Variants in ALG9 observed in about 807,000 individuals in gnomAD.
ALG9 encodes alpha-1,2-mannosyltransferase ALG9.
A neutral mutation model predicts 81.8 loss-of-function variants in ALG9; 55 were observed. The observed-to-expected ratio is 0.67, with a 90% CI of 0.54 to 0.84. ALG9 has a LOEUF of 0.84. ALG9 is among the 40% of genes least tolerant of loss of function. The pLI, the probability that ALG9 is intolerant of heterozygous loss-of-function variation, is 0.00. For synonymous variants in ALG9, 278 were observed against 274.3 expected, an observed-to-expected ratio of 1.01 and a Z score of -0.13; for missense variants, 629 against 745.0, an observed-to-expected ratio of 0.84 and a Z score of 1.81.
In ALG9 at chr11:111,860,557, G is replaced by A; in HGVS notation, c.555C>T (p.Cys185=). 6.2e-7 allele frequency: 1 copy of A among 1,614,014 alleles called. No homozygotes were observed. Among genetic ancestry groups the A allele is most frequent in the South Asian group, 1.1e-5 (1 of 91,082 alleles). ...TGCCCTTTTACTTACCTGATGATGA[G>A]CAAAACATGCCAGTGCTGAGAACCA... The part of the protein sequence containing the change: ...AFLVLSTGMF[C]SSSAFLPSSF... The change falls in exon 5 of 15, where the codon TGC becomes TGT. Residue 185 remains cysteine, a synonymous_variant. Transcript: ENST00000616540.
At chr11:111,795,495 ACC>A (rs1948128629) in intron 14 of ALG9, among the ~76,000 whole-genome samples, 1 of 152,114 alleles carries the variant, frequency 6.6e-6, no homozygotes. Flanking sequence ...ATGGCAATAT[ACC>A]CCGCAGGTGG....
chr11:111,810,577 G>A lies in ALG9; in HGVS notation c.1603-804C>T, dbSNP rs141457075. 4.7e-3 allele frequency among the ~76,000 whole-genome samples: 719 copies of A among 152,114 alleles called. 6 individuals carry two copies. Among genetic ancestry groups the A allele is most frequent in the African/African-American group, 0.017 (688 of 41,464 alleles). On this transcript the variant is annotated intron_variant, in intron 13 of 14. Transcript: ENST00000616540. ...TCAAGACTAGCCTGAGCAATATGGCGAAACCCCATCTCTTTAAAAAATACA... is the reference window on the plus strand; with the variant it reads ...TCAAGACTAGCCTGAGCAATATGGCAAAACCCCATCTCTTTAAAAAATACA...
At chr11:111,804,789 CA>C (rs1187838037) in intron 14 of ALG9, among the ~76,000 whole-genome samples, 4 of 152,198 alleles carry the variant, frequency 2.6e-5, no homozygotes, top group East Asian at 1.9e-4. Context: ...GGCCAAAATT[CA>C]AAACACTGAT....
At chr11:111,800,374 G>A (rs1555079444) in intron 14 of ALG9, among the ~76,000 whole-genome samples, 1 of 151,936 alleles carries the variant, frequency 6.6e-6, no homozygotes. Context: ...CCAGCTACTC[G>A]GGAGGCTGAG....
chr11:111,859,338 T>C (rs1383153235), intron 5 of ALG9, among the ~76,000 whole-genome samples: 1 of 151,650 alleles, frequency 6.6e-6, no homozygotes, highest in Non-Finnish European at 1.5e-5. Context: ...CCCATCTCTA[T>C]TAAAAATAAA....
intron 10 of ALG9, among the ~76,000 whole-genome samples, chr11:111,840,280 A>G (rs1956021745): frequency 6.6e-6 from 1 of 152,228 alleles, no homozygotes; most frequent in Non-Finnish European, 1.5e-5. Context: ...AACCAGGATT[A>G]CAAAGTGCCC....
intron 11 of ALG9, 140 bp from the exon 12 acceptor site, chr11:111,837,755 C>T: frequency 1.0e-6 from 1 of 962,938 alleles, no homozygotes; most frequent in Non-Finnish European, 1.6e-6. Context: ...CAGCATGAAG[C>T]CTGCTCTGCA....
chr11:111,814,511 A>G (rs1951195880), intron 13 of ALG9: 1 of 152,136 alleles, frequency 6.6e-6, no homozygotes, highest in African/African-American at 2.4e-5. Context: ...CTGTACAAAT[A>G]CTTTACACAC....
chr11:111,775,610 AGTGCCT>A, the ALG9 span, among the ~76,000 whole-genome samples: 1 of 152,156 alleles, frequency 6.6e-6, no homozygotes, highest in Admixed American at 6.6e-5. Flanking sequence ...AACTGAAACA[AGTGCCT>A]GTAGTCCCAG....
intron 8 of ALG9, among the ~76,000 whole-genome samples, chr11:111,852,819 G>A (rs1256400350): frequency 6.6e-6 from 1 of 151,700 alleles, no homozygotes; most frequent in East Asian, 1.9e-4. Flanking sequence ...GCTAATAGCT[G>A]TAATCCCAGC....
At chr11:111,821,761 G>C (rs1555103974) in intron 13 of ALG9, among the ~76,000 whole-genome samples, 1 of 151,966 alleles carries the variant, frequency 6.6e-6, no homozygotes, top group African/African-American at 2.4e-5. Context: ...TCAGCCTCCT[G>C]AGTAGCTGGG....
At chr11:111,796,428 G>A (rs1475869752) in intron 14 of ALG9, among the ~76,000 whole-genome samples, 1 of 152,180 alleles carries the variant, frequency 6.6e-6, no homozygotes, top group Non-Finnish European at 1.5e-5. Context: ...CTATGGCATG[G>A]ACTTAGAGAA....
intron 14 of ALG9, among the ~76,000 whole-genome samples, chr11:111,807,258 T>A (rs632631): frequency 0.29 from 44,473 of 151,988 alleles, 7,411 homozygotes; most frequent in East Asian, 0.59. Flanking sequence ...TAACCTGCAC[T>A]CTCACCCCTA....
intron 13 of ALG9, among the ~76,000 whole-genome samples, chr11:111,825,074 C>G (rs1413379836): frequency 2.6e-5 from 4 of 152,180 alleles, no homozygotes; most frequent in Non-Finnish European, 5.9e-5. Flanking sequence ...TAGACATGAT[C>G]CCTGTTCTCC....
intron 8 of ALG9, among the ~76,000 whole-genome samples, chr11:111,851,819 AG>A (rs782700108): frequency 1.3e-5 from 2 of 152,214 alleles, no homozygotes; most frequent in Non-Finnish European, 2.9e-5. Context: ...CCCTAGCTAA[AG>A]GGAGACATCT....
rs554507467 is a variant in ALG9, at chr11:111,804,496, C to T, written c.1733+5147G>A. 3.3e-5 allele frequency among the ~76,000 whole-genome samples: 5 copies of T among 152,162 alleles called. No homozygotes were observed. The East Asian group carries it at 9.7e-4, about 29-fold the overall frequency. On this transcript the variant is annotated intron_variant, in intron 14 of 14. Transcript: ENST00000616540. Reference sequence around the variant, plus strand: ...ATCCGAGCGCTTTCGGGGGCTGAGGCGAGAGAACTACTTGAGCCCAGGAGT... The same window carrying T: ...ATCCGAGCGCTTTCGGGGGCTGAGGTGAGAGAACTACTTGAGCCCAGGAGT...
At position 111,837,635 on chromosome 11, in the gene ALG9, G is replaced by C. The variant is rs1250266121; in HGVS notation, c.1325-20C>G. 2 of 1,613,138 alleles carry C rather than the reference G, an allele frequency of 1.2e-6. No homozygotes were observed. The highest frequency in any genetic ancestry group is 4.5e-5 in the East Asian group (2 of 44,890). On this transcript the variant is annotated intron_variant, in intron 11 of 14. Transcript: ENST00000616540. The stretch of plus-strand genomic sequence containing the variant: ...GATATCCTGGAAGGGAGAACAGTTA[G>C]TGAGAGCCAGAGATGAGTAAGATGA...
chr11:111,836,043 C>T (rs1472879905), intron 13 of ALG9, 122 bp downstream of exon 13: 10 of 1,339,400 alleles, frequency 7.5e-6, no homozygotes, highest in Non-Finnish European at 9.5e-6. Context: ...GCCACAGCAC[C>T]CGGCCTTAAA....
At chr11:111,814,066 G>T (rs549673866) in intron 13 of ALG9, among the ~76,000 whole-genome samples, 1 of 152,086 alleles carries the variant, frequency 6.6e-6, no homozygotes, top group Non-Finnish European at 1.5e-5. Flanking sequence ...CAAAAGAAAA[G>T]TTCAAGAATG....
Sources: gnomAD v4.1 joint callset for allele counts (sites outside exome capture counted in the v4.1 genomes callset) on GRCh38, gnomAD v4.1.1 for gene constraint, MANE v1.5 for transcripts, NCBI Gene and HGNC (gene_info 2026-07-23, HGNC 2026-07-21) for gene names.